Variants in CNIH3 observed in about 807,000 individuals in gnomAD.
The protein encoded by CNIH3 is cornichon family AMPA receptor auxiliary protein 3.
Under a neutral mutation model 24.1 loss-of-function variants are expected in CNIH3, and 14 were observed. The observed-to-expected ratio is 0.58, with a 90% CI of 0.38 to 0.91. The LOEUF is 0.91. CNIH3 is among the 40% of genes least tolerant of loss of function. The pLI is 0.00. For synonymous variants in CNIH3, 68 were observed against 73.8 expected, an observed-to-expected ratio of 0.92 and a Z score of 0.40; for missense variants, 178 against 196.8, an observed-to-expected ratio of 0.90 and a Z score of 0.57.
At chr1:224,707,024 C>CGT (rs1258203769) in intron 3 of CNIH3, among the ~76,000 whole-genome samples, 1 of 128,054 alleles carries the variant, frequency 7.8e-6, no homozygotes, top group Non-Finnish European at 1.6e-5. Flanking sequence ...AGTGCAGTGG[C>CGT]GTGATCTTTG....
Position 224,617,003 on chromosome 1 carries a change from C to T in CNIH3, c.-172C>T, listed in dbSNP as rs1683034660. The T allele has an allele frequency of 1.4e-6, 2 of 1,414,236 alleles. No homozygotes were observed. Among genetic ancestry groups the T allele is most frequent in the Non-Finnish European group, 1.8e-6 (2 of 1,088,926 alleles). The allele number at this position is 1,414,236 out of a possible 1,614,324, so 87.6% of individuals were successfully genotyped here. ...GGGGTCGCCGGAGCCTGCGGGAATCCAGCGCTTATTCGCTGACCCTCGAGT... is the reference window on the plus strand; with the variant it reads ...GGGGTCGCCGGAGCCTGCGGGAATCTAGCGCTTATTCGCTGACCCTCGAGT... On this transcript the variant is annotated 5_prime_UTR_variant, in exon 1 of 6. The change creates a premature stop within an existing upstream ORF in the 5' untranslated region. Coordinates refer to ENST00000272133, the MANE Select transcript of CNIH3 (RefSeq NM_152495.2).
chr1:224,634,787 G>A (rs1558236485), intron 1 of CNIH3, among the ~76,000 whole-genome samples: 2 of 152,084 alleles, frequency 1.3e-5, no homozygotes, highest in South Asian at 4.1e-4. Flanking sequence ...TCTGTTCTGT[G>A]TTGAGCAGAG....
intron 1 of CNIH3, among the ~76,000 whole-genome samples, chr1:224,499,345 A>G (rs1404363591): frequency 2.0e-5 from 3 of 152,188 alleles, no homozygotes; most frequent in Admixed American, 6.5e-5. Context: ...AGAGGTTGCC[A>G]TAGGTATCTC....
chr1:224,653,598 G>T (rs1160137768), intron 1 of CNIH3, among the ~76,000 whole-genome samples: 1 of 152,336 alleles, frequency 6.6e-6, no homozygotes, highest in East Asian at 1.9e-4. Flanking sequence ...CTCCTGTGAA[G>T]AAATCTATTA....
downstream of CNIH3, among the ~76,000 whole-genome samples, chr1:224,538,649 C>T (rs1021216035): frequency 6.7e-6 from 1 of 148,358 alleles, no homozygotes; most frequent in Admixed American, 6.7e-5. Context: ...TCCTCCTTCT[C>T]TCTCTCTCTC....
At chr1:224,507,954 A>G (rs1677986978) in intron 1 of CNIH3, among the ~76,000 whole-genome samples, 1 of 152,374 alleles carries the variant, frequency 6.6e-6, no homozygotes, top group Non-Finnish European at 1.5e-5. Flanking sequence ...CATACGCTAG[A>G]CAACTCCTCA....
intron 1 of CNIH3, among the ~76,000 whole-genome samples, chr1:224,632,778 C>T (rs927077988): frequency 2.6e-5 from 4 of 151,938 alleles, no homozygotes; most frequent in Admixed American, 1.3e-4. Flanking sequence ...AGAATTGAGC[C>T]GAGGCCAGCC....
In CNIH3 at chr1:224,739,470, C is replaced by A; in HGVS notation, c.*114C>A. On this transcript the variant is annotated 3_prime_UTR_variant, in exon 6 of 6. Coordinates refer to ENST00000272133, the MANE Select transcript of CNIH3 (RefSeq NM_152495.2). ...AGAATGAGGATACGTGAGAAATAGACCCGGCAGGCAGTCAGACTGAATGGG... is the reference window on the plus strand; with the variant it reads ...AGAATGAGGATACGTGAGAAATAGAACCGGCAGGCAGTCAGACTGAATGGG... 1 of 1,553,684 alleles carries A rather than the reference C, an allele frequency of 6.4e-7. No individual in the cohort carries two copies. Among genetic ancestry groups the A allele is most frequent in the Non-Finnish European group, 8.7e-7 (1 of 1,153,046 alleles).
intron 3 of CNIH3, among the ~76,000 whole-genome samples, chr1:224,560,052 A>G (rs992687868): frequency 2.6e-5 from 4 of 152,188 alleles, no homozygotes; most frequent in Admixed American, 2.6e-4. Context: ...ATTTATCTAT[A>G]TTGTTGGGTG....
chr1:224,549,139 T>G (rs1461880300), intron 3 of CNIH3, among the ~76,000 whole-genome samples: 1 of 152,094 alleles, frequency 6.6e-6, no homozygotes, highest in African/African-American at 2.4e-5. Context: ...CATCACAGTG[T>G]GTACACACAG....
intron 1 of CNIH3, among the ~76,000 whole-genome samples, chr1:224,489,141 T>C (rs2124841555): frequency 6.6e-6 from 1 of 151,032 alleles, no homozygotes; most frequent in South Asian, 2.1e-4. Flanking sequence ...ATTTTTCTTC[T>C]TTTTTTTAAT....
chr1:224,666,661 TA>T (rs1338505046), intron 1 of CNIH3, among the ~76,000 whole-genome samples: 8 of 152,202 alleles, frequency 5.3e-5, no homozygotes, highest in Non-Finnish European at 8.8e-5. Flanking sequence ...AGATTGTCTT[TA>T]TACAGAAGGA....
chr1:224,692,142 G>A (rs1245392283), intron 3 of CNIH3, among the ~76,000 whole-genome samples: 1 of 152,110 alleles, frequency 6.6e-6, no homozygotes, highest in Non-Finnish European at 1.5e-5. Context: ...CAAAAAGTTA[G>A]TAAAATAAAA....
At chr1:224,519,662 C>T (rs2794803) in intron 1 of CNIH3, among the ~76,000 whole-genome samples, 3,284 of 149,304 alleles carry the variant, frequency 0.022, 127 homozygotes, top group African/African-American at 0.075. Flanking sequence ...ACTCTTCATG[C>T]AGAAGTGGCA....
At chr1:224,688,467 G>C (rs1686766078) in intron 3 of CNIH3, among the ~76,000 whole-genome samples, 1 of 152,118 alleles carries the variant, frequency 6.6e-6, no homozygotes, top group South Asian at 2.1e-4. Context: ...GTAGAGGAAC[G>C]CATAGCCCAC....
intron 1 of CNIH3, among the ~76,000 whole-genome samples, chr1:224,469,819 T>C (rs1676295018): frequency 6.6e-6 from 1 of 152,240 alleles, no homozygotes; most frequent in African/African-American, 2.4e-5. Context: ...TTCCTTTGGT[T>C]AGATCAATAT....
chr1:224,449,907 G>T (rs1675319691), intron 1 of CNIH3, among the ~76,000 whole-genome samples: 1 of 151,838 alleles, frequency 6.6e-6, no homozygotes, highest in Non-Finnish European at 1.5e-5. Context: ...TTCAGTTGTG[G>T]ATATTTGCTG....
At chr1:224,707,183 C>T (rs939831842) in intron 3 of CNIH3, among the ~76,000 whole-genome samples, 8 of 152,112 alleles carry the variant, frequency 5.3e-5, no homozygotes, top group South Asian at 4.2e-4. Flanking sequence ...AGGCTGATCT[C>T]GAACTCCTGA....
chr1:224,434,686 G>T, exon 1 of CNIH3: 1 of 909,046 alleles, frequency 1.1e-6, no homozygotes, highest in Non-Finnish European at 1.3e-6. Flanking sequence ...CCCGGCAGTG[G>T]CTGCGGCGGC....
Sources: allele counts gnomAD v4.1 joint callset (sites outside exome capture counted in the v4.1 genomes callset), GRCh38; gene constraint gnomAD v4.1.1; transcripts MANE v1.5; gene names NCBI Gene and HGNC (gene_info 2026-07-23, HGNC 2026-07-21).